The following ERBB4 variants were observed in gnomAD, a reference collection of about 807,000 sequenced individuals.
The protein encoded by ERBB4 is receptor tyrosine-protein kinase erbB-4.
In ERBB4, 42 loss-of-function variants were observed where a neutral mutation model predicts 158.0. The observed-to-expected ratio is 0.27, with a 90% CI of 0.21 to 0.34. The LOEUF (loss-of-function observed/expected upper bound fraction) is 0.34. Among genes scored for constraint, ERBB4 ranks in the 10% least tolerant of loss-of-function variants. The pLI, the probability that ERBB4 is intolerant of heterozygous loss-of-function variation, is 1.00. For missense variants in ERBB4, 1,333 were observed against 1,624.1 expected (o/e 0.82, Z 3.08); for synonymous variants, 583 against 558.7 (o/e 1.04, Z -0.61).
intron 20 of ERBB4, among the ~76,000 whole-genome samples, chr2:211,515,614 C>T (rs1220808860): frequency 6.6e-6 from 1 of 151,726 alleles, no homozygotes; most frequent in South Asian, 2.1e-4. Flanking sequence ...TTGAAGATGA[C>T]TAGGTTGCAA....
chr2:211,481,294 CAT>C (rs745648469), intron 20 of ERBB4, among the ~76,000 whole-genome samples: 69 of 152,250 alleles, frequency 4.5e-4, no homozygotes, highest in African/African-American at 1.0e-3. Flanking sequence ...TGTGAACACA[CAT>C]GTTTGAATTC....
At chr2:211,948,403 T>C (rs993574994) in intron 2 of ERBB4, among the ~76,000 whole-genome samples, 1 of 119,836 alleles carries the variant, frequency 8.3e-6, no homozygotes, top group Non-Finnish European at 1.6e-5. Context: ...ACCACTGTAC[T>C]CTAGCCTGGC....
At chr2:211,723,133 T>C (rs897350561) in intron 6 of ERBB4, among the ~76,000 whole-genome samples, 12 of 152,194 alleles carry the variant, frequency 7.9e-5, no homozygotes, top group South Asian at 4.1e-4. Context: ...ATTTCTAGTA[T>C]GGCTTTTTTC....
chr2:212,058,275 C>A (rs1478738791), intron 2 of ERBB4, among the ~76,000 whole-genome samples: 2 of 152,142 alleles, frequency 1.3e-5, no homozygotes, highest in East Asian at 1.9e-4. Flanking sequence ...CCATAACAGG[C>A]TCTGAAATTG....
chr2:212,316,965 T>A (rs528751738), intron 1 of ERBB4, among the ~76,000 whole-genome samples: 2 of 151,636 alleles, frequency 1.3e-5, no homozygotes, highest in South Asian at 2.1e-4. Flanking sequence ...CTGAGGTGAT[T>A]ATATTAAAGA....
intron 19 of ERBB4, among the ~76,000 whole-genome samples, chr2:211,593,762 C>G (rs943100658): frequency 1.3e-5 from 2 of 152,146 alleles, no homozygotes; most frequent in African/African-American, 2.4e-5. Context: ...CCCTGATACC[C>G]TTTCAAGGAA....
At chr2:212,042,658 A>G (rs2077168889) in intron 2 of ERBB4, among the ~76,000 whole-genome samples, 1 of 151,972 alleles carries the variant, frequency 6.6e-6, no homozygotes, top group African/African-American at 2.4e-5. Context: ...TGGTTTTAGT[A>G]TGCTTTTTTG....
At chr2:211,779,039 G>T (rs953236131) in intron 4 of ERBB4, 8 of 152,106 alleles carry the variant, frequency 5.3e-5, no homozygotes, top group Non-Finnish European at 7.4e-5. Context: ...GAATCGTTTG[G>T]ATACATGGGC....
chr2:211,935,817 A>G (rs2080307097), intron 3 of ERBB4, among the ~76,000 whole-genome samples: 1 of 152,176 alleles, frequency 6.6e-6, no homozygotes, highest in African/African-American at 2.4e-5. Context: ...TACACCTACT[A>G]ATCGTGGTTA....
At chr2:212,421,965 C>T (rs1054794644) in intron 1 of ERBB4, among the ~76,000 whole-genome samples, 6 of 152,046 alleles carry the variant, frequency 3.9e-5, no homozygotes, top group South Asian at 4.1e-4. Flanking sequence ...AGATATCTAA[C>T]GAACAAACAT....
Position 211,507,976 on chromosome 2 carries a change from A to C in ERBB4, c.2487+53927T>G, listed in dbSNP as rs147064638. On this transcript the variant is annotated intron_variant, in intron 20 of 27. Transcript: ENST00000342788. ...ACCCTTTCCTTACACCTTATACACA[A>C]ATTAACTCAAGATGGATTAAAGACT... 6.0e-3 allele frequency among the ~76,000 whole-genome samples: 907 copies of C among 152,282 alleles called. 15 individuals carry two copies. The highest frequency in any genetic ancestry group is 0.021 in the African/African-American group (858 of 41,576).
At chr2:212,409,624 A>G (rs2091442693) in intron 1 of ERBB4, among the ~76,000 whole-genome samples, 1 of 152,116 alleles carries the variant, frequency 6.6e-6, no homozygotes, top group Admixed American at 6.6e-5. Flanking sequence ...TGTCTGGTCT[A>G]TCTATAATGC....
intron 19 of ERBB4, among the ~76,000 whole-genome samples, chr2:211,565,884 T>C (rs1384833166): frequency 6.6e-6 from 1 of 152,198 alleles, no homozygotes; most frequent in Non-Finnish European, 1.5e-5. Context: ...TTCTGAGGTT[T>C]GGTGGCAAAA....
chr2:211,935,275 G>A (rs191786736), intron 3 of ERBB4, among the ~76,000 whole-genome samples: 1 of 152,224 alleles, frequency 6.6e-6, no homozygotes, highest in Admixed American at 6.5e-5. Flanking sequence ...CGGAAACCTG[G>A]TAAAGCTTTA....
chr2:212,021,304 A>G (rs1038946909), intron 2 of ERBB4, among the ~76,000 whole-genome samples: 2 of 152,138 alleles, frequency 1.3e-5, no homozygotes, highest in African/African-American at 2.4e-5. Context: ...TTTAAAAACT[A>G]TAATCTTGTG....
rs546233378 is a variant in ERBB4, at chr2:212,119,774, G to T, written c.234+4978C>A. ...AGCTGGCATGAAAGGTGTTTACAGA[G>T]ATAAGCATCAAGATTGCTGTAATAA... On this transcript the variant is annotated intron_variant, in intron 2 of 27. Coordinates refer to ENST00000342788, the MANE Select transcript of ERBB4 (RefSeq NM_005235.3). Among the ~76,000 whole-genome samples the T allele has an allele frequency of 1.0e-3, 152 of 152,222 alleles. 3 individuals are homozygous for T. In the South Asian group the frequency reaches 0.024, roughly 24 times the overall value.
intron 23 of ERBB4, 49 bp downstream of exon 23, chr2:211,424,106 T>C (rs566257254): frequency 6.4e-7 from 1 of 1,551,720 alleles, no homozygotes; most frequent in African/African-American, 1.4e-5. Flanking sequence ...ATCTCTGCTA[T>C]TACTTTACTA....
chr2:212,455,091 G>GT (rs1281913484), intron 1 of ERBB4, among the ~76,000 whole-genome samples: 4 of 152,164 alleles, frequency 2.6e-5, no homozygotes, highest in Non-Finnish European at 5.9e-5. Flanking sequence ...TGGGGGCTAA[G>GT]TCATAACTTA....
At chr2:212,441,512 T>C (rs1212579467) in intron 1 of ERBB4, among the ~76,000 whole-genome samples, 2 of 152,258 alleles carry the variant, frequency 1.3e-5, no homozygotes, top group African/African-American at 4.8e-5. Flanking sequence ...TGAGCTACAC[T>C]CAAAAAGAAC....
Sources: allele counts gnomAD v4.1 joint callset (sites outside exome capture counted in the v4.1 genomes callset), GRCh38; gene constraint gnomAD v4.1.1; transcripts MANE v1.5; gene names NCBI Gene and HGNC (gene_info 2026-07-23, HGNC 2026-07-21).